ANO4: variants seen among roughly 807,000 people sequenced by gnomAD.
The protein encoded by ANO4 is anoctamin-4.
ANO4 carries 69 observed loss-of-function variants against 141.9 expected under a neutral mutation model. That is an observed-to-expected ratio of 0.49 (90% CI 0.40 to 0.59). The LOEUF (loss-of-function observed/expected upper bound fraction) is 0.59. Ranked by LOEUF, ANO4 falls within the 20% of genes least tolerant of loss-of-function variation. ANO4 has a pLI of 0.00. For missense variants in ANO4, 894 were observed against 1,162.2 expected (o/e 0.77, Z 3.36); for synonymous variants, 350 against 394.3 (o/e 0.89, Z 1.33).
At chr12:101,005,475 T>C (rs2045831801) in intron 8 of ANO4, among the ~76,000 whole-genome samples, 1 of 152,100 alleles carries the variant, frequency 6.6e-6, no homozygotes, top group Admixed American at 6.6e-5. Context: ...GATGAATGAA[T>C]CATTTTCTGA....
At chr12:100,810,460 G>A (rs1326989685) in intron 1 of ANO4, among the ~76,000 whole-genome samples, 1 of 152,144 alleles carries the variant, frequency 6.6e-6, no homozygotes, top group Non-Finnish European at 1.5e-5. Context: ...TCATACGGCA[G>A]TAGCATGATT....
intron 7 of ANO4, among the ~76,000 whole-genome samples, chr12:100,979,312 G>A (rs898610683): frequency 6.6e-6 from 1 of 152,084 alleles, no homozygotes; most frequent in Non-Finnish European, 1.5e-5. Flanking sequence ...ATCATCTGGA[G>A]GGCTTTTAAA....
intron 2 of ANO4, among the ~76,000 whole-genome samples, chr12:100,921,922 GGCTAT>G (rs1056900462): frequency 6.6e-6 from 1 of 152,068 alleles, no homozygotes; most frequent in African/African-American, 2.4e-5. Context: ...CTTAGGTAGA[GGCTAT>G]GTTATATTTT....
intron 1 of ANO4, among the ~76,000 whole-genome samples, chr12:100,846,083 C>G (rs1434851232): frequency 6.6e-6 from 1 of 152,182 alleles, no homozygotes; most frequent in African/African-American, 2.4e-5. Flanking sequence ...AATTATAAGA[C>G]ATTGATCTTG....
intron 9 of ANO4, among the ~76,000 whole-genome samples, chr12:101,030,689 G>GA (rs1217569421): frequency 2.6e-5 from 4 of 151,094 alleles, no homozygotes; most frequent in African/African-American, 7.3e-5. Context: ...CTGTTTTTTT[G>GA]AAAAAAATAA....
chr12:101,002,957 C>A (rs1244684513), intron 8 of ANO4, among the ~76,000 whole-genome samples: 2 of 152,212 alleles, frequency 1.3e-5, no homozygotes, highest in African/African-American at 4.8e-5. Context: ...CTCCTCTGCC[C>A]TAGCCTATAC....
intron 9 of ANO4, among the ~76,000 whole-genome samples, chr12:101,029,745 A>G (rs779724719): frequency 6.6e-6 from 1 of 151,882 alleles, no homozygotes; most frequent in Non-Finnish European, 1.5e-5. Context: ...CCCCATCTCT[A>G]CTAAAAATAC....
intron 5 of ANO4, among the ~76,000 whole-genome samples, chr12:100,945,651 G>A (rs1413945102): frequency 1.3e-5 from 2 of 151,746 alleles, no homozygotes; most frequent in Non-Finnish European, 2.9e-5. Flanking sequence ...CTTTTCTTTT[G>A]TATAACTAGT....
chr12:100,949,538 A>G (rs1023309333), intron 5 of ANO4, among the ~76,000 whole-genome samples: 1 of 152,224 alleles, frequency 6.6e-6, no homozygotes, highest in Non-Finnish European at 1.5e-5. Context: ...CATTATTATC[A>G]TCATTACTGT....
intron 2 of ANO4, among the ~76,000 whole-genome samples, chr12:100,915,672 A>T (rs1054915582): frequency 6.6e-6 from 1 of 152,158 alleles, no homozygotes; most frequent in African/African-American, 2.4e-5. Flanking sequence ...GAGAATGAAT[A>T]TATAAAATTT....
Position 100,901,640 on chromosome 12 carries a change from T to C in ANO4, c.-140-6T>C. 1 of 781,664 alleles carries C rather than the reference T, an allele frequency of 1.3e-6. No individual in the cohort carries two copies. 48.4% of individuals were successfully genotyped at this position (781,664 alleles called of 1,614,324 possible). On this transcript the variant is annotated splice_polypyrimidine_tract_variant and splice_region_variant and intron_variant, in intron 1 of 27. Transcript: ENST00000392977. ...TTCAGTCTAATGGTGCCATTTCTCA[T>C]TCCAGGTTTAAGTTTATCTATTCAT...
chr12:100,722,330 G>C (rs1036826309), intron 1 of ANO4, among the ~76,000 whole-genome samples: 1 of 152,124 alleles, frequency 6.6e-6, no homozygotes, highest in Admixed American at 6.5e-5. Flanking sequence ...AATTACACTT[G>C]CAAATCTGAT....
intron 2 of ANO4, among the ~76,000 whole-genome samples, chr12:100,913,506 T>C (rs1448463989): frequency 6.6e-6 from 1 of 151,728 alleles, no homozygotes; most frequent in Non-Finnish European, 1.5e-5. Flanking sequence ...TGTTCTATTT[T>C]GTTATTAGTT....
At chr12:100,948,624 GAA>G (rs1453408607) in intron 5 of ANO4, among the ~76,000 whole-genome samples, 1 of 152,080 alleles carries the variant, frequency 6.6e-6, no homozygotes, top group Non-Finnish European at 1.5e-5. Context: ...GTTATTTAAA[GAA>G]ATATACAAAA....
At position 101,072,998 on chromosome 12, in the gene ANO4, A is replaced by T. The variant is rs2048881913; in HGVS notation, c.1313-6195A>T. Among the ~76,000 whole-genome samples, 3 of 152,202 alleles carry T rather than the reference A, an allele frequency of 2.0e-5. No homozygotes were observed. The South Asian group carries it at 6.2e-4, about 32-fold the overall frequency. ...TACACTGTTCATGGGAGTGTAAACC[A>T]TTTCAACCATTGTAGAAGACAGTGT... On this transcript the variant is annotated intron_variant, in intron 14 of 27. Transcript: ENST00000392977.
chr12:100,897,888 T>G (rs73389639), intron 1 of ANO4, among the ~76,000 whole-genome samples: 2 of 152,190 alleles, frequency 1.3e-5, no homozygotes, highest in Non-Finnish European at 2.9e-5. Flanking sequence ...CTCTCAACAT[T>G]CTGGGCTTCC....
chr12:100,891,901 T>G (rs1273025115), intron 1 of ANO4, among the ~76,000 whole-genome samples: 1 of 152,110 alleles, frequency 6.6e-6, no homozygotes, highest in African/African-American at 2.4e-5. Context: ...TTGACCAACA[T>G]CTCCACAACT....
rs114106174 is a variant in ANO4, at chr12:100,871,137, A to T, written c.-140-30509A>T. On this transcript the variant is annotated intron_variant, in intron 1 of 27. Transcript: ENST00000392977. Reference sequence around the variant, plus strand: ...ATCACTTTGTGATTACTGAGTTTTCATATCACCTTAAATCTTTGATGAGCT... The same window carrying T: ...ATCACTTTGTGATTACTGAGTTTTCTTATCACCTTAAATCTTTGATGAGCT... Among the ~76,000 whole-genome samples, 872 of 152,296 alleles carry T rather than the reference A, an allele frequency of 5.7e-3. 14 individuals are homozygous for T. The highest frequency in any genetic ancestry group is 0.02 in the African/African-American group (823 of 41,566).
At chr12:100,985,456 T>C (rs2044668320) in intron 7 of ANO4, among the ~76,000 whole-genome samples, 1 of 152,218 alleles carries the variant, frequency 6.6e-6, no homozygotes, top group Non-Finnish European at 1.5e-5. Context: ...ATCATTATCA[T>C]GCCCATTTTA....
Sources: allele counts gnomAD v4.1 joint callset (sites outside exome capture counted in the v4.1 genomes callset), GRCh38; gene constraint gnomAD v4.1.1; transcripts MANE v1.5; gene names NCBI Gene and HGNC (gene_info 2026-07-23, HGNC 2026-07-21).